LSAMP: variants seen among roughly 807,000 people sequenced by gnomAD.
LSAMP encodes the protein limbic system-associated membrane protein.
In LSAMP, 7 loss-of-function variants were observed where a neutral mutation model predicts 38.6. That is an observed-to-expected ratio of 0.18 (90% CI 0.10 to 0.34). The LOEUF (loss-of-function observed/expected upper bound fraction) is 0.34. LSAMP is among the 10% of genes least tolerant of loss of function. LSAMP has a pLI of 1.00. For missense variants in LSAMP, 313 were observed against 420.0 expected, an observed-to-expected ratio of 0.75 and a Z score of 2.23; for synonymous variants, 154 against 166.8, an observed-to-expected ratio of 0.92 and a Z score of 0.59.
intron 2 of LSAMP, among the ~76,000 whole-genome samples, chr3:116,026,024 A>G (rs1188164013): frequency 6.6e-6 from 1 of 152,140 alleles, no homozygotes; most frequent in Non-Finnish European, 1.5e-5. Context: ...GGCTCAAGCG[A>G]TTCTTCTACC....
chr3:116,267,163 T>C (rs919767697), intron 1 of LSAMP, among the ~76,000 whole-genome samples: 1 of 152,164 alleles, frequency 6.6e-6, no homozygotes, highest in Admixed American at 6.6e-5. Context: ...TTACATTTTT[T>C]TTTGAAGTTG....
At chr3:116,031,732 A>G (rs1940930441) in intron 2 of LSAMP, among the ~76,000 whole-genome samples, 1 of 151,660 alleles carries the variant, frequency 6.6e-6, no homozygotes, top group South Asian at 2.1e-4. Context: ...GGCCCAGAAG[A>G]TAGAATATTT....
chr3:116,156,322 G>A (rs1709746643), intron 1 of LSAMP, among the ~76,000 whole-genome samples: 1 of 152,278 alleles, frequency 6.6e-6, no homozygotes, highest in African/African-American at 2.4e-5. Flanking sequence ...GTAAAATGCA[G>A]AAAGTCACAT....
chr3:116,093,583 C>T (rs1708168164), intron 1 of LSAMP, among the ~76,000 whole-genome samples: 1 of 152,144 alleles, frequency 6.6e-6, no homozygotes, highest in African/African-American at 2.4e-5. Flanking sequence ...AATCATGCCC[C>T]TTTTGTTGTT....
intron 2 of LSAMP, among the ~76,000 whole-genome samples, chr3:116,083,743 A>G (rs1707924967): frequency 6.6e-6 from 1 of 152,240 alleles, no homozygotes; most frequent in Admixed American, 6.5e-5. Context: ...GATGTCAGCC[A>G]TTCCTAGAGT....
chr3:116,180,613 A>G (rs1710462957), intron 1 of LSAMP, among the ~76,000 whole-genome samples: 1 of 152,296 alleles, frequency 6.6e-6, no homozygotes, highest in South Asian at 2.1e-4. Flanking sequence ...GAGGAATAAG[A>G]GAAAATGTGA....
intron 1 of LSAMP, among the ~76,000 whole-genome samples, chr3:116,206,428 T>C (rs542597279): frequency 1.3e-5 from 2 of 149,594 alleles, no homozygotes; most frequent in South Asian, 4.4e-4. Flanking sequence ...ATTTTAGTTA[T>C]TTCTTGCCTT....
chr3:116,229,229 T>G (rs888763336), intron 1 of LSAMP, among the ~76,000 whole-genome samples: 1 of 152,104 alleles, frequency 6.6e-6, no homozygotes, highest in African/African-American at 2.4e-5. Flanking sequence ...TCCTTTCTCT[T>G]ACATCCTTTG....
intron 1 of LSAMP, among the ~76,000 whole-genome samples, chr3:116,420,963 C>A (rs1344943207): frequency 1.3e-5 from 2 of 152,226 alleles, no homozygotes; most frequent in Middle Eastern, 3.4e-3. Context: ...TGGTGCTGGA[C>A]TAATTAGATC....
intron 1 of LSAMP, among the ~76,000 whole-genome samples, chr3:116,119,708 G>T (rs1033304142): frequency 6.0e-5 from 9 of 150,766 alleles, no homozygotes; most frequent in African/African-American, 2.0e-4. Flanking sequence ...ACCCAGGCTG[G>T]AGTACAGTGG....
At position 116,403,447 on chromosome 3, in the gene LSAMP, A is replaced by T. The variant is rs80279403; in HGVS notation, c.155+41430T>A. Among the ~76,000 whole-genome samples, 49 of 152,204 alleles carry T rather than the reference A, an allele frequency of 3.2e-4. No homozygotes were observed. In the East Asian group the frequency reaches 9.3e-3, roughly 29 times the overall value. On this transcript the variant is annotated intron_variant, in intron 1 of 6. Transcript: ENST00000490035. ...CTTAAATATATACTACTGATGGTAG[A>T]TTAATTTGGGAGATATTTGTGAACT...
intron 4 of LSAMP, among the ~76,000 whole-genome samples, chr3:115,844,570 G>A (rs1396197513): frequency 6.6e-6 from 1 of 152,166 alleles, no homozygotes; most frequent in Non-Finnish European, 1.5e-5. Context: ...TCTGGGCTTG[G>A]ATTTAAAATT....
At chr3:116,201,375 TCTTAGTCAC>T (rs1400190759) in intron 1 of LSAMP, among the ~76,000 whole-genome samples, 3 of 152,184 alleles carry the variant, frequency 2.0e-5, no homozygotes, top group Non-Finnish European at 4.4e-5. Flanking sequence ...AGGGACAGTG[TCTTAGTCAC>T]CTTTGTACCT....
chr3:115,903,031 G>A (rs553003539), intron 3 of LSAMP, among the ~76,000 whole-genome samples: 1 of 152,272 alleles, frequency 6.6e-6, no homozygotes, highest in East Asian at 1.9e-4. Flanking sequence ...GAAGATACAT[G>A]CACGCATATA....
chr3:116,168,804 A>C (rs1312644767), intron 1 of LSAMP, among the ~76,000 whole-genome samples: 1 of 152,198 alleles, frequency 6.6e-6, no homozygotes, highest in Non-Finnish European at 1.5e-5. Flanking sequence ...TTTTTAATTT[A>C]ATTCCCCCAA....
chr3:116,370,771 A>G (rs2048420695), intron 1 of LSAMP, among the ~76,000 whole-genome samples: 2 of 152,186 alleles, frequency 1.3e-5, no homozygotes, highest in Admixed American at 6.5e-5. Flanking sequence ...TATAACAGGG[A>G]AAATCAACAA....
chr3:116,323,978 T>A (rs78902837), intron 1 of LSAMP, among the ~76,000 whole-genome samples: 3,166 of 152,244 alleles, frequency 0.021, 96 homozygotes, highest in African/African-American at 0.072. Flanking sequence ...ATTGTTTCTT[T>A]TCACAGAACA....
At chr3:116,320,788 C>T (rs575654148) in intron 1 of LSAMP, among the ~76,000 whole-genome samples, 13 of 152,184 alleles carry the variant, frequency 8.5e-5, no homozygotes, top group South Asian at 6.2e-4. Context: ...GCACAGTGAC[C>T]GGCACATCAT....
At chr3:115,896,389 G>A (rs1936729691) in intron 3 of LSAMP, among the ~76,000 whole-genome samples, 1 of 152,064 alleles carries the variant, frequency 6.6e-6, no homozygotes, top group Non-Finnish European at 1.5e-5. Flanking sequence ...GGTAGGTGTA[G>A]TTATAAGGTG....
Sources: gnomAD v4.1 joint callset for allele counts (sites outside exome capture counted in the v4.1 genomes callset) on GRCh38, gnomAD v4.1.1 for gene constraint, MANE v1.5 for transcripts, NCBI Gene and HGNC (gene_info 2026-07-23, HGNC 2026-07-21) for gene names.